The following RIMS2 variants were observed in gnomAD, a reference collection of about 807,000 sequenced individuals.
The protein encoded by RIMS2 is regulating synaptic membrane exocytosis 2.
In RIMS2, 59 loss-of-function variants were observed where a neutral mutation model predicts 174.4. The observed-to-expected ratio is 0.34, with a 90% CI of 0.27 to 0.42. The LOEUF (loss-of-function observed/expected upper bound fraction) is 0.42. Among genes scored for constraint, RIMS2 ranks in the 10% least tolerant of loss-of-function variants. The pLI, the probability that RIMS2 is intolerant of heterozygous loss-of-function variation, is 1.00. For synonymous variants in RIMS2, 606 were observed against 572.5 expected (o/e 1.06, Z -0.84); for missense variants, 1,620 against 1,666.3 (o/e 0.97, Z 0.48).
chr8:103,739,092 T>C (rs554048460), intron 2 of RIMS2, among the ~76,000 whole-genome samples: 1 of 152,124 alleles, frequency 6.6e-6, no homozygotes, highest in African/African-American at 2.4e-5. Flanking sequence ...ATGTTTATTG[T>C]GGCACTATTC....
intron 3 of RIMS2, among the ~76,000 whole-genome samples, chr8:103,831,690 A>G (rs1171438535): frequency 6.6e-6 from 1 of 152,132 alleles, no homozygotes; most frequent in Non-Finnish European, 1.5e-5. Context: ...CTTTACATTA[A>G]TTGCCATTTT....
intron 19 of RIMS2, among the ~76,000 whole-genome samples, chr8:104,220,546 C>T (rs879922334): frequency 6.6e-6 from 1 of 152,106 alleles, no homozygotes; most frequent in Non-Finnish European, 1.5e-5. Context: ...TGTGATGTCC[C>T]TGAGTGCCAA....
intron 19 of RIMS2, among the ~76,000 whole-genome samples, chr8:104,166,686 T>G (rs1381799518): frequency 6.6e-6 from 1 of 151,784 alleles, no homozygotes; most frequent in Admixed American, 6.6e-5. Context: ...GTATAAGAGA[T>G]AGAGTTATAA....
chr8:103,568,936 C>G (rs2092595613), intron 1 of RIMS2: 1 of 813,278 alleles, frequency 1.2e-6, no homozygotes, highest in Admixed American at 1.8e-5. Context: ...CAAAACTGAT[C>G]TGAAAGCGAG....
intron 2 of RIMS2, among the ~76,000 whole-genome samples, chr8:103,720,788 G>C (rs35287474): frequency 6.6e-6 from 1 of 151,990 alleles, no homozygotes; most frequent in East Asian, 1.9e-4. Flanking sequence ...GTTTTGAGTA[G>C]TTTAAAAGGC....
chr8:104,215,776 G>C (rs1374856963), intron 19 of RIMS2, among the ~76,000 whole-genome samples: 1 of 152,200 alleles, frequency 6.6e-6, no homozygotes, highest in Non-Finnish European at 1.5e-5. Flanking sequence ...CGTGAGCAGG[G>C]AATTTCTTAA....
At chr8:104,072,845 TA>T (rs1293340753) in intron 19 of RIMS2, among the ~76,000 whole-genome samples, 2 of 152,180 alleles carry the variant, frequency 1.3e-5, no homozygotes, top group African/African-American at 4.8e-5. Context: ...TTCAGTATAC[TA>T]GAAAACTTGA....
chr8:103,764,431 T>C (rs192990382), intron 2 of RIMS2, among the ~76,000 whole-genome samples: 34 of 152,320 alleles, frequency 2.2e-4, no homozygotes, highest in African/African-American at 7.2e-4. Flanking sequence ...TATTTTGTGG[T>C]TCTGTTTTGC....
intron 1 of RIMS2, among the ~76,000 whole-genome samples, chr8:103,676,694 A>T (rs116673083): frequency 6.6e-6 from 1 of 151,776 alleles, no homozygotes; most frequent in Non-Finnish European, 1.5e-5. Context: ...TTTAAAATAT[A>T]CTCCTTGGCT....
chr8:104,193,307 T>C lies in RIMS2; in HGVS notation c.3335-51609T>C, dbSNP rs141838154. On this transcript the variant is annotated intron_variant, in intron 19 of 23. Coordinates refer to ENST00000504942, the Ensembl canonical transcript of RIMS2. ...CCTGGTTTTATTCCTATATTTCTAA[T>C]TGTTGCATTGTACTCCATGGTGTTC... Among the ~76,000 whole-genome samples the C allele has an allele frequency of 1.1e-3, 164 of 152,308 alleles. 2 individuals are homozygous for C. The highest frequency in any genetic ancestry group is 3.7e-3 in the African/African-American group (153 of 41,560).
rs1285669432 is a variant in RIMS2 at position 103,593,933 on chromosome 8, G to T, written c.176+92871G>T. 2.0e-5 allele frequency among the ~76,000 whole-genome samples: 3 copies of T among 151,374 alleles called. No individual in the cohort carries two copies. The South Asian group carries it at 6.2e-4, about 31-fold the overall frequency. On this transcript the variant is annotated intron_variant, in intron 1 of 23. Transcript: ENST00000504942. ...CAATAATTTTTACTAATATGAAGGG[G>T]TTCTGAGACAAAAAAGTTGGAGAAC...
chr8:103,863,378 C>G (rs1206338904), intron 3 of RIMS2, among the ~76,000 whole-genome samples: 2 of 151,996 alleles, frequency 1.3e-5, no homozygotes, highest in Non-Finnish European at 2.9e-5. Flanking sequence ...ATTTTTGCCT[C>G]TATGTTCATC....
intron 1 of RIMS2, among the ~76,000 whole-genome samples, chr8:103,539,328 A>T (rs1187170674): frequency 6.6e-6 from 1 of 151,934 alleles, no homozygotes. Context: ...CACCACCAAG[A>T]TGGCAGAGTA....
At chr8:103,662,703 T>TATC (rs2096618078) in intron 1 of RIMS2, among the ~76,000 whole-genome samples, 1 of 151,580 alleles carries the variant, frequency 6.6e-6, no homozygotes, top group African/African-American at 2.4e-5. Context: ...TCTATCTATC[T>TATC]ATCTATCTAT....
intron 19 of RIMS2, among the ~76,000 whole-genome samples, chr8:104,061,789 A>G (rs937600924): frequency 1.3e-5 from 2 of 152,016 alleles, no homozygotes; most frequent in Admixed American, 6.6e-5. Context: ...CTATAGATAT[A>G]CCATTATGCA....
chr8:103,662,909 G>T (rs1377465822), intron 1 of RIMS2, among the ~76,000 whole-genome samples: 1 of 152,100 alleles, frequency 6.6e-6, no homozygotes, highest in Non-Finnish European at 1.5e-5. Flanking sequence ...AGTTGCTCAC[G>T]CCTGTAATCC....
chr8:103,973,705 A>G (rs2093143193), intron 15 of RIMS2, among the ~76,000 whole-genome samples: 1 of 152,202 alleles, frequency 6.6e-6, no homozygotes, highest in South Asian at 2.1e-4. Context: ...GATTCTTGGG[A>G]TGAATGAGCA....
chr8:103,648,136 T>C (rs1025086573), intron 1 of RIMS2, among the ~76,000 whole-genome samples: 3 of 152,098 alleles, frequency 2.0e-5, no homozygotes, highest in Non-Finnish European at 4.4e-5. Context: ...CTCATTAGTT[T>C]CAAAGAACTT....
At chr8:103,741,480 T>C (rs903907275) in intron 2 of RIMS2, among the ~76,000 whole-genome samples, 2 of 152,120 alleles carry the variant, frequency 1.3e-5, no homozygotes, top group Admixed American at 1.3e-4. Flanking sequence ...TAGGTTTTTT[T>C]CTCAACTTGT....
Sources: allele counts gnomAD v4.1 joint callset (sites outside exome capture counted in the v4.1 genomes callset), GRCh38; gene constraint gnomAD v4.1.1; transcripts MANE v1.5; gene names NCBI Gene and HGNC (gene_info 2026-07-23, HGNC 2026-07-21).